The following CLK1 variants were observed in gnomAD, a reference collection of about 807,000 sequenced individuals.
CLK1 encodes CDC like kinase 1, also known as dual specificity protein kinase CLK1.
CLK1 carries 40 observed loss-of-function variants against 60.9 expected under a neutral mutation model. The observed-to-expected ratio is 0.66, with a 90% CI of 0.51 to 0.86. The LOEUF (loss-of-function observed/expected upper bound fraction) is 0.86. Among genes scored for constraint, CLK1 ranks in the 40% least tolerant of loss-of-function variants. The pLI is 0.00. For missense variants in CLK1, 563 were observed against 606.1 expected, an observed-to-expected ratio of 0.93 and a Z score of 0.75; for synonymous variants, 203 against 184.4, an observed-to-expected ratio of 1.10 and a Z score of -0.82.
intron 4 of CLK1, 139 bp downstream of exon 4, chr2:200,859,986 C>T: frequency 1.4e-6 from 2 of 1,427,098 alleles, no homozygotes; most frequent in Non-Finnish European, 1.8e-6. Flanking sequence ...AAATACAATC[C>T]CCCCCACCAA....
intron 12 of CLK1, 82 bp from the exon 13 acceptor site, chr2:200,853,531 TATATAACCAC>T: frequency 7.9e-7 from 1 of 1,261,792 alleles, no homozygotes; most frequent in Non-Finnish European, 1.1e-6. Context: ...AAACCATATA[TATATAACCAC>T]CATAAAAACA....
Position 200,853,941 on chromosome 2 carries a change from C to G in CLK1, c.1273G>C (p.Ala425Pro). The change falls in exon 12 of 13, where the codon GCC (alanine) becomes CCC (proline). Residue 425 changes from alanine to proline, a missense_variant. Physicochemically the swap from Ala to Pro is conservative, Grantham distance 27. Transcript: ENST00000321356. The stretch of plus-strand genomic sequence containing the variant: ...CAGCGTCTTGAAACATATCTGCCGG[C>G]AGAACTGTGTTCATCCCAGTCTAAT... ...DRLDWDEHSS[A>P]GRYVSRRCKP... 3.1e-6 allele frequency: 5 copies of G among 1,612,454 alleles called. No individual in the cohort carries two copies. The highest frequency in any genetic ancestry group is 4.2e-6 in the Non-Finnish European group (5 of 1,179,252).
chr2:200,856,743 A>G lies in CLK1; in HGVS notation c.996T>C (p.Asp332=), dbSNP rs756347304. The G allele has an allele frequency of 3.7e-6, 6 of 1,613,410 alleles. No homozygotes were observed. Among genetic ancestry groups the G allele is most frequent in the South Asian group, 1.1e-5 (1 of 91,016 alleles). Residue 332 remains aspartate, a synonymous_variant, in exon 9 of 13, where the codon GAT becomes GAC. Coordinates refer to ENST00000321356, the MANE Select transcript of CLK1 (RefSeq NM_004071.4). ...KVVDFGSATY[D]DEHHSTLVST... is the part of the protein sequence containing the mutation. Reference sequence around the variant, plus strand: ...ATACCAATGTACTGTGATGTTCGTCATCATATGTTGCACTACCAAAGTCTA... The same window carrying G: ...ATACCAATGTACTGTGATGTTCGTCGTCATATGTTGCACTACCAAAGTCTA...
At chr2:200,861,017 G>T in intron 3 of CLK1, 3 of 1,332,152 alleles carry the variant, frequency 2.3e-6, no homozygotes, top group South Asian at 4.3e-5. Flanking sequence ...CATTTCACTG[G>T]AATGTCAATT....
intron 12 of CLK1, among the ~76,000 whole-genome samples, 165 bp from the exon 13 acceptor site, chr2:200,853,614 G>C (rs1163710214): frequency 6.7e-6 from 1 of 149,566 alleles, no homozygotes; most frequent in South Asian, 2.1e-4. Context: ...GCCAAGGCAG[G>C]TGGATCACTT....
At chr2:200,854,056 G>T in intron 11 of CLK1, 63 bp from the exon 12 acceptor site, 1 of 1,081,806 alleles carries the variant, frequency 9.2e-7, no homozygotes, top group Non-Finnish European at 1.4e-6. Context: ...GCTAGCAAAG[G>T]TATCAATTAC....
At chr2:200,864,065 G>GT in intron 1 of CLK1, 2 of 1,536,542 alleles carry the variant, frequency 1.3e-6, no homozygotes, top group Non-Finnish European at 1.8e-6. Flanking sequence ...GACATTAACT[G>GT]TAACCCCTAC....
At position 200,857,199 on chromosome 2, in the gene CLK1, G is replaced by C. The variant is rs1030245071; in HGVS notation, c.833-214C>G. ...CGTGTGCCTGTAGTCCTAGCTACTC[G>C]GGAGGCTGAGGCAGGAGAATCACTT... is the stretch of plus-strand genomic sequence containing the variant. On this transcript the variant is annotated intron_variant, in intron 7 of 12. Transcript: ENST00000321356. 11 of 521,766 alleles carry C rather than the reference G, an allele frequency of 2.1e-5. No individual in the cohort carries two copies. In the South Asian group the frequency reaches 2.5e-4, roughly 12 times the overall value. The allele number at this position is 521,766 out of a possible 1,614,324, so 32.3% of individuals were successfully genotyped here.
intron 1 of CLK1, chr2:200,864,198 G>A (rs568031169): frequency 1.3e-6 from 2 of 1,550,128 alleles, no homozygotes; most frequent in South Asian, 1.2e-5. Context: ...CGGCCACAGG[G>A]CCGAAGCCGG....
At chr2:200,856,594 G>T in intron 9 of CLK1, 88 bp downstream of exon 9, 1 of 1,053,188 alleles carries the variant, frequency 9.5e-7, no homozygotes, top group Non-Finnish European at 1.4e-6. Flanking sequence ...ATATGATAAA[G>T]CCCCACAAGT....
rs2039130049 is a variant in CLK1, at chr2:200,861,089, T to C, written c.390+149A>G. ...TGTACTTTATTTCCGGAATTTCCTA[T>C]CCAATGCACAAACACAGAAAAAATC... On this transcript the variant is annotated intron_variant, in intron 3 of 12. Coordinates refer to ENST00000321356, the MANE Select transcript of CLK1 (RefSeq NM_004071.4). 19 of 1,441,838 alleles carry C rather than the reference T, an allele frequency of 1.3e-5. No individual in the cohort carries two copies. In the South Asian group the frequency reaches 2.6e-4, roughly 20 times the overall value. 89.3% of individuals were successfully genotyped at this position (1,441,838 alleles called of 1,614,324 possible).
In CLK1 at chr2:200,854,004, G is replaced by C. The variant is rs780545467; in HGVS notation, c.1221-11C>G. The C allele has an allele frequency of 6.3e-7, 1 of 1,583,838 alleles. No homozygotes were observed. Among genetic ancestry groups the C allele is most frequent in the Admixed American group, 1.7e-5 (1 of 58,982 alleles). On this transcript the variant is annotated splice_polypyrimidine_tract_variant and intron_variant, in intron 11 of 12. Coordinates refer to ENST00000321356, the MANE Select transcript of CLK1 (RefSeq NM_004071.4). Reference sequence around the variant, plus strand: ...AAATATTTACGTTTCCTAAAAATAAGTCAATATCCATTCATGTTTATAACA... The same window carrying C: ...AAATATTTACGTTTCCTAAAAATAACTCAATATCCATTCATGTTTATAACA...
chr2:200,864,365 C>G (rs949380816), intron 1 of CLK1, 199 bp downstream of exon 1: 3 of 1,195,784 alleles, frequency 2.5e-6, no homozygotes, highest in African/African-American at 3.2e-5. Context: ...CCCCGCAGGC[C>G]GGATCCGGCG....
At chr2:200,856,078 T>C (rs2039036183) in intron 9 of CLK1, among the ~76,000 whole-genome samples, 1 of 151,570 alleles carries the variant, frequency 6.6e-6, no homozygotes, top group South Asian at 2.1e-4. Flanking sequence ...AAATAGGCAT[T>C]AAACAATTTT....
chr2:200,860,938 A>T (rs964494691), intron 3 of CLK1: 5 of 1,137,666 alleles, frequency 4.4e-6, no homozygotes, highest in Non-Finnish European at 4.3e-6. Context: ...TTGAAGTACC[A>T]CAAAAAACCC....
Position 200,861,743 on chromosome 2 carries a change from C to A in CLK1, c.120G>T (p.Glu40Asp). 1.2e-6 allele frequency: 2 copies of A among 1,614,128 alleles called. No individual in the cohort carries two copies. Among genetic ancestry groups the A allele is most frequent in the South Asian group, 1.1e-5 (1 of 91,080 alleles). ...AGTGATTGTATTTGCAGCGCTTGTT[C>A]TCCTGGGCACTGCTATGTGATCTCT... ...RRKRSHSSAQ[E>D]NKRCKYNHSK... The change falls in exon 2 of 13, where the codon GAG (glutamate) becomes GAT (aspartate). Residue 40 changes from glutamate to aspartate, a missense_variant. This residue lies in a region of CLK1 where 198 missense variants were observed against 179.2 expected (regional missense o/e 1.10). Coordinates refer to ENST00000321356, the MANE Select transcript of CLK1 (RefSeq NM_004071.4).
At chr2:200,861,607 A>G in intron 2 of CLK1, 95 bp downstream of exon 2, 1 of 1,560,190 alleles carries the variant, frequency 6.4e-7, no homozygotes, top group Middle Eastern at 1.8e-4. Context: ...CATTGGAAAC[A>G]AACGAATGGT....
chr2:200,862,627 T>C (rs756226244), intron 1 of CLK1, among the ~76,000 whole-genome samples: 10 of 152,362 alleles, frequency 6.6e-5, no homozygotes, highest in Non-Finnish European at 8.8e-5. Flanking sequence ...AACAGCCATG[T>C]TGCTCACACA....
intron 4 of CLK1, 111 bp from the exon 5 acceptor site, chr2:200,859,857 C>A: frequency 1.3e-6 from 2 of 1,507,894 alleles, no homozygotes; most frequent in Non-Finnish European, 1.8e-6. Context: ...ATTTCCTTAT[C>A]ACTAGATATT....
Sources: allele counts gnomAD v4.1 joint callset (sites outside exome capture counted in the v4.1 genomes callset), GRCh38; gene constraint gnomAD v4.1.1; regional missense constraint gnomAD v4.1.1; transcripts MANE v1.5; gene names NCBI Gene and HGNC (gene_info 2026-07-23, HGNC 2026-07-21).